The following RDX variants were observed in gnomAD, a reference collection of about 807,000 sequenced individuals.
RDX encodes the protein radixin.
Under a neutral mutation model 83.7 loss-of-function variants are expected in RDX, and 32 were observed. The ratio of observed to expected loss-of-function variants is 0.38; its 90% confidence interval spans 0.29 to 0.51. The LOEUF (loss-of-function observed/expected upper bound fraction) is 0.51, where lower values mean the gene tolerates loss of function less well. RDX is among the 20% of genes least tolerant of loss of function. RDX has a pLI of 0.87. For synonymous variants in RDX, 229 were observed against 222.7 expected (o/e 1.03, Z -0.25); for missense variants, 600 against 689.9 (o/e 0.87, Z 1.46).
chr11:110,233,291 C>T lies in RDX; in HGVS notation c.1533G>A (p.Glu511=). Residue 511 remains glutamate (E), a synonymous_variant, in exon 13 of 14, where the codon GAG becomes GAA. Transcript: ENST00000645495. ...SNEGVMNHRS[E]EERVTETQKN... is the part of the protein sequence containing the mutation. ...TCTGTGTTTCGGTTACACGTTCTTC[C>T]TCGCTTCTATGGTTCATTACCCCTT... The T allele has an allele frequency of 6.2e-7, 1 of 1,614,028 alleles. No individual in the cohort carries two copies. The highest frequency in any genetic ancestry group is 8.5e-7 in the Non-Finnish European group (1 of 1,180,006).
At chr11:110,189,280 T>C (rs1863059118) in intron 15 of RDX, among the ~76,000 whole-genome samples, 1 of 71,048 alleles carries the variant, frequency 1.4e-5, no homozygotes, top group Admixed American at 1.3e-4. Flanking sequence ...ACAAGGGCAT[T>C]ACATAATGAC....
At chr11:110,268,313 A>G (rs529975201) in intron 3 of RDX, among the ~76,000 whole-genome samples, 130 of 145,196 alleles carry the variant, frequency 9.0e-4, no homozygotes, top group South Asian at 5.7e-3. Flanking sequence ...TGTTTCGGGG[A>G]AAAAAAAAAA....
chr11:110,264,303 A>C, intron 4 of RDX, 69 bp from the exon 5 acceptor site: 1 of 1,102,182 alleles, frequency 9.1e-7, no homozygotes, highest in East Asian at 2.5e-5. Context: ...TAGTCACATC[A>C]AATTCTTTTT....
rs191592134 is a variant in RDX at position 110,190,532 on chromosome 11, C to T, written c.*31+9049G>A. Reference sequence around the variant, plus strand: ...AATTAACAATCTAACATGATACCTACAGGAACTAGAAAAACAAGAACAAAC... The same window carrying T: ...AATTAACAATCTAACATGATACCTATAGGAACTAGAAAAACAAGAACAAAC... On this transcript the variant is annotated intron_variant, in intron 15 of 15. Coordinates refer to the RDX transcript ENST00000528498. Among the ~76,000 whole-genome samples, 591 of 152,158 alleles carry T rather than the reference C, an allele frequency of 3.9e-3. 1 individual carries two copies. The highest frequency in any genetic ancestry group is 6.4e-3 in the Non-Finnish European group (434 of 67,990).
chr11:110,268,925 A>G (rs1009113783), intron 3 of RDX, among the ~76,000 whole-genome samples: 3 of 150,920 alleles, frequency 2.0e-5, no homozygotes, highest in African/African-American at 7.3e-5. Context: ...AATACACTAT[A>G]AAGCATATAT....
At chr11:110,244,206 A>G (rs1236110388) in intron 10 of RDX, among the ~76,000 whole-genome samples, 1 of 151,940 alleles carries the variant, frequency 6.6e-6, no homozygotes, top group African/African-American at 2.4e-5. Flanking sequence ...TACTAAAAAT[A>G]TAAAAATTAG....
chr11:110,228,806 CTAAT>C (rs1217041349), downstream of RDX, among the ~76,000 whole-genome samples: 1 of 151,772 alleles, frequency 6.6e-6, no homozygotes, highest in African/African-American at 2.4e-5. Flanking sequence ...TCTTAAAACT[CTAAT>C]TAGACATAAA....
intron 3 of RDX, 103 bp downstream of exon 3, chr11:110,272,432 AC>A (rs1860343427): frequency 1.3e-6 from 1 of 770,320 alleles, no homozygotes; most frequent in Non-Finnish European, 2.3e-6. Context: ...TCCAAGTGGT[AC>A]ACTGTTGGAT....
chr11:110,241,294 TTC>T (rs1220985446), intron 10 of RDX, among the ~76,000 whole-genome samples: 1 of 151,934 alleles, frequency 6.6e-6, no homozygotes, highest in African/African-American at 2.4e-5. Context: ...TTTTCTTTCT[TTC>T]TTTTTCTTTT....
intron 5 of RDX, chr11:110,263,344 A>G (rs1859877714): frequency 6.6e-6 from 1 of 152,068 alleles, no homozygotes; most frequent in South Asian, 2.1e-4. Context: ...TCACTTATTA[A>G]GCACCTGCCT....
chr11:110,219,242 TGGC>T (rs1418435719), intron 14 of RDX, among the ~76,000 whole-genome samples: 2 of 152,194 alleles, frequency 1.3e-5, no homozygotes, highest in Non-Finnish European at 2.9e-5. Context: ...TTGGACCAGC[TGGC>T]TGCTTTAAAG....
chr11:110,189,061 C>T (rs11518324), intron 15 of RDX, among the ~76,000 whole-genome samples: 1 of 151,332 alleles, frequency 6.6e-6, no homozygotes, highest in South Asian at 2.1e-4. Context: ...GTGACAAATT[C>T]GACTTTAAAA....
intron 6 of RDX, 85 bp downstream of exon 6, chr11:110,258,016 AATCTT>A (rs1391299710): frequency 2.8e-5 from 41 of 1,483,074 alleles, no homozygotes; most frequent in Non-Finnish European, 3.6e-5. Context: ...TAAGTCAAAC[AATCTT>A]TTGGAAATAA....
chr11:110,296,224 GCCGC>G (rs1199593186), intron 1 of RDX, among the ~76,000 whole-genome samples: 1 of 152,052 alleles, frequency 6.6e-6, no homozygotes, highest in Non-Finnish European at 1.5e-5. Flanking sequence ...GCACGTTCGG[GCCGC>G]GGCTCAGCCA....
chr11:110,219,247 G>A (rs1160474749), intron 14 of RDX, among the ~76,000 whole-genome samples: 2 of 152,114 alleles, frequency 1.3e-5, no homozygotes, highest in Non-Finnish European at 2.9e-5. Context: ...CCAGCTGGCT[G>A]CTTTAAAGAA....
downstream of RDX, among the ~76,000 whole-genome samples, chr11:110,226,157 G>A (rs1864428623): frequency 6.6e-6 from 1 of 151,920 alleles, no homozygotes; most frequent in South Asian, 2.1e-4. Context: ...TGAAAGCAGG[G>A]ACTCTAAGAT....
intron 14 of RDX, among the ~76,000 whole-genome samples, chr11:110,210,441 C>T (rs1388413556): frequency 1.1e-4 from 16 of 141,728 alleles, no homozygotes; most frequent in African/African-American, 4.1e-4. Context: ...GAGAACTTCC[C>T]CAATCTAGCA....
At chr11:110,279,047 A>T (rs943816682) in intron 2 of RDX, among the ~76,000 whole-genome samples, 2 of 152,190 alleles carry the variant, frequency 1.3e-5, no homozygotes, top group Non-Finnish European at 2.9e-5. Context: ...TCTAAACTAC[A>T]ATTATGAGAA....
At chr11:110,271,658 C>CT (rs1398553686) in intron 3 of RDX, among the ~76,000 whole-genome samples, 2 of 152,170 alleles carry the variant, frequency 1.3e-5, no homozygotes, top group African/African-American at 4.8e-5. Flanking sequence ...TCTCCTTTCC[C>CT]TTTTTTTAAA....
Sources: gnomAD v4.1 joint callset for allele counts (sites outside exome capture counted in the v4.1 genomes callset) on GRCh38, gnomAD v4.1.1 for gene constraint, MANE v1.5 for transcripts, NCBI Gene and HGNC (gene_info 2026-07-23, HGNC 2026-07-21) for gene names.